GALNT13: variants seen among roughly 807,000 people sequenced by gnomAD.
The protein encoded by GALNT13 is UDP-GalNAc:polypeptide N-acetylgalactosaminyltransferase 13.
A neutral mutation model predicts 64.2 loss-of-function variants in GALNT13; 28 were observed. The observed-to-expected ratio is 0.44, with a 90% CI of 0.32 to 0.60. The LOEUF is 0.60. Ranked by LOEUF, GALNT13 falls within the 20% of genes least tolerant of loss-of-function variation. The pLI is 0.05. For synonymous variants in GALNT13, 214 were observed against 224.6 expected, an observed-to-expected ratio of 0.95 and a Z score of 0.42; for missense variants, 577 against 669.8, an observed-to-expected ratio of 0.86 and a Z score of 1.53.
chr2:153,918,715 A>G (rs770313801), intron 2 of GALNT13, among the ~76,000 whole-genome samples: 2 of 152,134 alleles, frequency 1.3e-5, no homozygotes, highest in African/African-American at 2.4e-5. Context: ...TTCATTTTGC[A>G]TGTTCAACCT....
At chr2:153,504,373 A>C in the GALNT13 span, among the ~76,000 whole-genome samples, 1 of 152,250 alleles carries the variant, frequency 6.6e-6, no homozygotes, top group South Asian at 2.1e-4. Flanking sequence ...GATGCTCTTG[A>C]TTTCTTTCTC....
chr2:154,189,472 CAAAAAAAAAA>C (rs35557058), intron 4 of GALNT13, among the ~76,000 whole-genome samples: 19 of 81,404 alleles, frequency 2.3e-4, no homozygotes, highest in African/African-American at 7.6e-4. Flanking sequence ...ACGTGCACAC[CAAAAAAAAAA>C]AAAAAAAAAA....
chr2:153,629,562 C>G, the GALNT13 span, among the ~76,000 whole-genome samples: 3 of 152,310 alleles, frequency 2.0e-5, no homozygotes, highest in South Asian at 6.2e-4. Flanking sequence ...AAAACCTAGT[C>G]ATTACCATTC....
chr2:153,699,801 A>C, the GALNT13 span, among the ~76,000 whole-genome samples: 1 of 152,316 alleles, frequency 6.6e-6, no homozygotes, highest in South Asian at 2.1e-4. Context: ...GAAGAAGTTG[A>C]ATCCCTGAAT....
At chr2:153,206,637 T>G in the GALNT13 span, among the ~76,000 whole-genome samples, 3 of 151,920 alleles carry the variant, frequency 2.0e-5, no homozygotes, top group Non-Finnish European at 4.4e-5. Context: ...TCATTAGATA[T>G]AAGATTAGAA....
Position 154,113,878 on chromosome 2 carries a change from T to C in GALNT13, c.143-26459T>C, listed in dbSNP as rs546856116. Among the ~76,000 whole-genome samples, 4 of 152,354 alleles carry C rather than the reference T, an allele frequency of 2.6e-5. No individual in the cohort carries two copies. The South Asian group carries it at 6.2e-4, about 24-fold the overall frequency. On this transcript the variant is annotated intron_variant, in intron 3 of 12. Transcript: ENST00000392825. ...TTCTGGTGGGCCTTATGGACAGGAA[T>C]GGAGAAGAATGCATTTGCCAAATCA... is the stretch of plus-strand genomic sequence containing the variant.
chr2:153,142,080 C>G, the GALNT13 span, among the ~76,000 whole-genome samples: 1 of 152,038 alleles, frequency 6.6e-6, no homozygotes, highest in African/African-American at 2.4e-5. Context: ...TAATTTCTCA[C>G]GAACTGCTGA....
the GALNT13 span, among the ~76,000 whole-genome samples, chr2:153,332,892 A>G: frequency 6.6e-6 from 1 of 152,204 alleles, no homozygotes; most frequent in Non-Finnish European, 1.5e-5. Flanking sequence ...TCAATGGCAC[A>G]TGCAGACTGG....
chr2:153,623,679 A>G, the GALNT13 span, among the ~76,000 whole-genome samples: 1 of 152,044 alleles, frequency 6.6e-6, no homozygotes, highest in Admixed American at 6.6e-5. Flanking sequence ...TATATATATT[A>G]TGCTTCAGTT....
the GALNT13 span, among the ~76,000 whole-genome samples, chr2:153,338,033 A>T: frequency 6.6e-6 from 1 of 152,166 alleles, no homozygotes; most frequent in African/African-American, 2.4e-5. Flanking sequence ...TGACATATTT[A>T]CTATTTCTTC....
chr2:153,221,901 C>T, the GALNT13 span, among the ~76,000 whole-genome samples: 2 of 152,188 alleles, frequency 1.3e-5, no homozygotes, highest in Admixed American at 6.5e-5. Flanking sequence ...CACCAGAAAC[C>T]GCAAAGCCCC....
intron 8 of GALNT13, among the ~76,000 whole-genome samples, chr2:154,271,001 G>A (rs111932243): frequency 0.011 from 1,730 of 151,918 alleles, 26 homozygotes; most frequent in African/African-American, 0.037. Context: ...AATTATGTTA[G>A]CATTCTTTTC....
the GALNT13 span, among the ~76,000 whole-genome samples, chr2:153,160,433 C>A: frequency 5.9e-5 from 9 of 152,130 alleles, no homozygotes; most frequent in African/African-American, 2.2e-4. Flanking sequence ...TGTATTTGCT[C>A]AACAAACATT....
At chr2:154,111,272 C>G (rs1372470854) in intron 3 of GALNT13, among the ~76,000 whole-genome samples, 4 of 152,164 alleles carry the variant, frequency 2.6e-5, no homozygotes, top group African/African-American at 9.6e-5. Flanking sequence ...ATTTGTAGTC[C>G]TGCCTGGATT....
At chr2:154,121,929 T>C (rs949936333) in intron 3 of GALNT13, among the ~76,000 whole-genome samples, 13 of 152,120 alleles carry the variant, frequency 8.5e-5, no homozygotes, top group Non-Finnish European at 1.6e-4. Flanking sequence ...GATTCCAATC[T>C]TGTGGAGGAA....
chr2:153,436,481 T>A, the GALNT13 span, among the ~76,000 whole-genome samples: 1 of 152,186 alleles, frequency 6.6e-6, no homozygotes, highest in African/African-American at 2.4e-5. Flanking sequence ...GTTGGTAAGC[T>A]ATTAATTATT....
the GALNT13 span, among the ~76,000 whole-genome samples, chr2:153,167,113 C>A: frequency 2.0e-5 from 3 of 152,132 alleles, no homozygotes; most frequent in Admixed American, 2.0e-4. Context: ...TGTGGTACAC[C>A]ACAAATAAAC....
chr2:153,211,133 C>A, the GALNT13 span, among the ~76,000 whole-genome samples: 1 of 147,652 alleles, frequency 6.8e-6, no homozygotes, highest in African/African-American at 2.4e-5. Context: ...CATTGACAAA[C>A]CTTTTTTTTT....
intron 3 of GALNT13, among the ~76,000 whole-genome samples, chr2:154,130,928 T>C (rs1004097216): frequency 6.6e-6 from 1 of 152,154 alleles, no homozygotes; most frequent in African/African-American, 2.4e-5. Context: ...TCTCAAAACA[T>C]CTGGCAGCCA....
Sources: allele counts gnomAD v4.1 joint callset (sites outside exome capture counted in the v4.1 genomes callset), GRCh38; gene constraint gnomAD v4.1.1; transcripts MANE v1.5; gene names NCBI Gene and HGNC (gene_info 2026-07-23, HGNC 2026-07-21).